Variants in RUFY4 observed in about 807,000 individuals in gnomAD.
RUFY4 encodes the protein RUN and FYVE domain containing 4.
RUFY4 carries 73 observed loss-of-function variants against 69.0 expected under a neutral mutation model. That is an observed-to-expected ratio of 1.06 (90% CI 0.88 to 1.29). The LOEUF (loss-of-function observed/expected upper bound fraction) is 1.29, where lower values mean the gene tolerates loss of function less well. RUFY4 is among the 50% of genes most tolerant of loss of function. The pLI, the probability that RUFY4 is intolerant of heterozygous loss-of-function variation, is 0.00. For missense variants in RUFY4, 770 were observed against 705.6 expected, an observed-to-expected ratio of 1.09 and a Z score of -1.03; for synonymous variants, 287 against 271.8, an observed-to-expected ratio of 1.06 and a Z score of -0.55.
intron 4 of RUFY4, 70 bp from the exon 7 acceptor site, chr2:218,073,173 G>T: frequency 6.6e-7 from 1 of 1,511,880 alleles, no homozygotes; most frequent in Non-Finnish European, 8.9e-7. Context: ...GAGCTGGGGT[G>T]GGGGTGGTTG....
At chr2:218,065,258 A>AGGAGGGGTGGGGGGAGAG (rs1456915467), upstream of RUFY4, among the ~76,000 whole-genome samples, 23 of 150,998 alleles carry the variant, frequency 1.5e-4, no homozygotes, top group Non-Finnish European at 2.2e-4. Context: ...AGAGTAGGAG[A>AGGAGGGGTGGGGGGAGAG]GGAGGGGTGG....
chr2:218,073,334 G>C, exon 5 of RUFY4: 1 of 1,582,842 alleles, frequency 6.3e-7, no homozygotes, highest in Non-Finnish European at 8.6e-7. Flanking sequence ...GGTGGCCTTC[G>C]AGTTGGACCT....
At chr2:218,037,365 A>G (rs1235297850) in intron 2 of RUFY4, among the ~76,000 whole-genome samples, 1 of 152,108 alleles carries the variant, frequency 6.6e-6, no homozygotes. Flanking sequence ...GCAGGGCTAC[A>G]ATCTAATAAC....
chr2:218,080,360 T>G lies in RUFY4; in HGVS notation c.1356-2750T>G, dbSNP rs561290362. ...GCTGGGGGCAGAGGTGAGCCACAGC[T>G]GACCTGAAGGCGGCAGGCTTCAGGC... On this transcript the variant is annotated intron_variant, in intron 8 of 10. Coordinates refer to ENST00000344321, the Ensembl canonical transcript of RUFY4. 3.3e-5 allele frequency among the ~76,000 whole-genome samples: 5 copies of G among 152,296 alleles called. No individual in the cohort carries two copies. The South Asian group carries it at 1.0e-3, about 32-fold the overall frequency.
rs555934690 is a variant in RUFY4, at chr2:218,073,945, G to A, written c.600+60G>A. ...TTCCCCATCTCCTTGGCATCCTCAA[G>A]TTGAGTAGAAACTGAGCTTCCCCCT... On this transcript the variant is annotated intron_variant, in intron 6 of 10. Transcript: ENST00000344321. 1.9e-5 allele frequency: 29 copies of A among 1,542,412 alleles called. No homozygotes were observed. The South Asian group carries it at 3.2e-4, about 17-fold the overall frequency.
Position 218,090,024 on chromosome 2 carries a change from C to A in RUFY4, c.1686C>A (p.Cys562Ter), listed in dbSNP as rs189830106. The A allele has an allele frequency of 9.6e-6, 15 of 1,557,370 alleles. No individual in the cohort carries two copies. Among genetic ancestry groups the A allele is most frequent in the South Asian group, 4.8e-5 (4 of 84,030 alleles). ...AGAGAGACCGCTGCTGCCCACCCTG[C>A]GCCCAGGGAAGAGAAGCCCAGGTCA... Residue 562 changes from cysteine to a stop codon, truncating the protein, a stop_gained, in exon 11 of 11, where the codon TGC becomes TGA. Coordinates refer to ENST00000344321, the Ensembl canonical transcript of RUFY4. LOFTEE classifies it high-confidence loss of function.
chr2:218,067,546 G>C (rs2106042613), upstream of RUFY4, among the ~76,000 whole-genome samples: 1 of 152,342 alleles, frequency 6.6e-6, no homozygotes, highest in Admixed American at 6.5e-5. Flanking sequence ...CCAAGCAGCA[G>C]CAACCCCCAC....
chr2:218,082,094 G>A (rs1689772949), intron 8 of RUFY4, among the ~76,000 whole-genome samples: 1 of 152,134 alleles, frequency 6.6e-6, no homozygotes, highest in South Asian at 2.1e-4. Context: ...CTGGGGCCAG[G>A]TCTTTTTTAT....
chr2:218,059,334 C>A, intron 3 of RUFY4: 1 of 161,958 alleles, frequency 6.2e-6, no homozygotes. Flanking sequence ...AGTACTCAGA[C>A]ATTATTGTAC....
chr2:218,060,621 G>T (rs748314984), intron 3 of RUFY4: 1 of 1,351,114 alleles, frequency 7.4e-7, no homozygotes, highest in Non-Finnish European at 1.1e-6. Flanking sequence ...GGACCAGGTT[G>T]TAGGGCAGCC....
upstream of RUFY4, chr2:218,070,415 C>T (rs1412598531): frequency 6.3e-6 from 4 of 636,672 alleles, 1 homozygote; most frequent in East Asian, 5.5e-5. Context: ...CATCTTCACA[C>T]ACTGGCCTAC....
intron 2 of RUFY4, among the ~76,000 whole-genome samples, chr2:218,037,848 C>A (rs1227770955): frequency 1.3e-5 from 2 of 152,212 alleles, no homozygotes; most frequent in East Asian, 3.9e-4. Context: ...CTGGAAGGAT[C>A]CTATGTGGAG....
intron 2 of RUFY4, among the ~76,000 whole-genome samples, chr2:218,037,027 A>C (rs755392469): frequency 7.2e-5 from 11 of 152,206 alleles, no homozygotes; most frequent in Non-Finnish European, 1.3e-4. Context: ...ACAGGTAGAT[A>C]ATAAACTGAG....
chr2:218,076,710 T>G (rs1235004841), intron 8 of RUFY4, among the ~76,000 whole-genome samples, 177 bp downstream of exon 10: 1 of 152,090 alleles, frequency 6.6e-6, no homozygotes, highest in Admixed American at 6.6e-5. Context: ...GGCTCCACCC[T>G]CCCTCCTCTG....
At chr2:218,046,962 A>C (rs1688842296) in intron 2 of RUFY4, among the ~76,000 whole-genome samples, 1 of 152,098 alleles carries the variant, frequency 6.6e-6, no homozygotes, top group Non-Finnish European at 1.5e-5. Flanking sequence ...CACTTGATTA[A>C]ATAGGTACAC....
chr2:218,072,636 C>CA (rs1304971782), intron 3 of RUFY4, 137 bp downstream of exon 5: 6 of 1,356,330 alleles, frequency 4.4e-6, no homozygotes, highest in Non-Finnish European at 5.9e-6. Flanking sequence ...CACAGCACCC[C>CA]TCCAGACACC....
At chr2:218,060,143 A>T (rs1689147790) in intron 3 of RUFY4, 2 of 446,336 alleles carry the variant, frequency 4.5e-6, no homozygotes, top group Non-Finnish European at 8.2e-6. Context: ...TAATTATGGC[A>T]AGGGGTGAGG....
intron 2 of RUFY4, among the ~76,000 whole-genome samples, chr2:218,045,308 G>A (rs759318794): frequency 6.6e-6 from 1 of 152,092 alleles, no homozygotes; most frequent in Non-Finnish European, 1.5e-5. Flanking sequence ...GCCCATTTAT[G>A]TCCTATTACA....
chr2:218,066,177 CTTTTTT>C (rs58665951), upstream of RUFY4, among the ~76,000 whole-genome samples: 5 of 74,440 alleles, frequency 6.7e-5, no homozygotes, highest in East Asian at 1.2e-3. Flanking sequence ...CTTTTCTTTT[CTTTTTT>C]TTTTTTTTTT....
Sources: allele counts gnomAD v4.1 joint callset (sites outside exome capture counted in the v4.1 genomes callset), GRCh38; gene constraint gnomAD v4.1.1; transcripts MANE v1.5; gene names NCBI Gene and HGNC (gene_info 2026-07-23, HGNC 2026-07-21).